DENND4A: variants seen among roughly 807,000 people sequenced by gnomAD.
The protein encoded by DENND4A is C-myc promoter-binding protein.
A neutral mutation model predicts 199.3 loss-of-function variants in DENND4A; 70 were observed. The observed-to-expected ratio is 0.35, with a 90% CI of 0.29 to 0.43. DENND4A has a LOEUF of 0.43. Among genes scored for constraint, DENND4A ranks in the 20% least tolerant of loss-of-function variants. The pLI, the probability that DENND4A is intolerant of heterozygous loss-of-function variation, is 1.00. For synonymous variants in DENND4A, 686 were observed against 766.9 expected (o/e 0.89, Z 1.74); for missense variants, 1,723 against 2,255.8 (o/e 0.76, Z 4.78).
rs1298431799 is a variant in DENND4A at position 65,722,939 on chromosome 15, G to T, written c.1497C>A (p.Asp499Glu). 1 of 1,603,628 alleles carries T rather than the reference G, an allele frequency of 6.2e-7. No individual in the cohort carries two copies. The highest frequency in any genetic ancestry group is 8.5e-7 in the Non-Finnish European group (1 of 1,175,512). ...GTATCTTCCAGGCTACATTTTTCTT[G>T]TCACCAATTCTAAGATTAAATAACA... ...VDTNTISQIG[D>E]KKNVAWKILP... The change falls in exon 12 of 33, where the codon GAC becomes GAA. Residue 499 changes from aspartate to glutamate, a missense_variant. Asp to Glu is a conservative substitution (Grantham distance 45). Transcript: ENST00000443035.
intron 4 of DENND4A, among the ~76,000 whole-genome samples, chr15:65,749,181 G>C (rs1269508824): frequency 6.6e-6 from 1 of 151,526 alleles, no homozygotes; most frequent in Non-Finnish European, 1.5e-5. Flanking sequence ...TATGCGCTTT[G>C]ATCCAGAAAT....
chr15:65,735,335 G>A (rs987676588), intron 7 of DENND4A, among the ~76,000 whole-genome samples: 39 of 152,094 alleles, frequency 2.6e-4, no homozygotes, highest in African/African-American at 8.5e-4. Context: ...CCAAGATCAC[G>A]CCACTATACT....
chr15:65,699,923 C>T (rs2142169500), intron 20 of DENND4A, among the ~76,000 whole-genome samples: 1 of 151,880 alleles, frequency 6.6e-6, no homozygotes, highest in African/African-American at 2.4e-5. Flanking sequence ...AGTGAACCAC[C>T]CACCTTAGCT....
chr15:65,667,895 C>A (rs1315256177), intron 28 of DENND4A, 30 bp downstream of exon 28: 1 of 1,581,246 alleles, frequency 6.3e-7, no homozygotes, highest in African/African-American at 1.4e-5. Context: ...TGATCAATTT[C>A]CAAATAAAAA....
Position 65,723,436 on chromosome 15 carries a change from T to C in DENND4A, c.1488-488A>G, listed in dbSNP as rs569262097. 8.5e-5 allele frequency among the ~76,000 whole-genome samples: 13 copies of C among 152,268 alleles called. No homozygotes were observed. The South Asian group carries it at 2.7e-3, about 32-fold the overall frequency. ...ACTTAGTTTCTTAGTTTCCTAAGAG[T>C]ATAAGTAAGGATCATTTTTGTTTCT... On this transcript the variant is annotated intron_variant, in intron 11 of 32. Transcript: ENST00000443035.
chr15:65,729,779 T>C (rs776249556), intron 9 of DENND4A, 101 bp from the exon 10 acceptor site: 149 of 1,064,308 alleles, frequency 1.4e-4, no homozygotes, highest in Non-Finnish European at 1.7e-4. Context: ...AGGATTTGTA[T>C]TATATATGTT....
chr15:65,779,841 G>T (rs759249432), intron 1 of DENND4A, among the ~76,000 whole-genome samples: 5 of 152,102 alleles, frequency 3.3e-5, no homozygotes, highest in African/African-American at 7.2e-5. Context: ...GTAGAGATGG[G>T]GTTTTGCCAT....
chr15:65,705,728 C>A (rs1190430547), intron 15 of DENND4A, among the ~76,000 whole-genome samples: 1 of 151,926 alleles, frequency 6.6e-6, no homozygotes, highest in Non-Finnish European at 1.5e-5. Context: ...ATTAATCAAT[C>A]TGTGTATGAG....
intron 23 of DENND4A, among the ~76,000 whole-genome samples, chr15:65,684,940 T>G (rs2076709903): frequency 6.7e-6 from 1 of 149,040 alleles, no homozygotes; most frequent in Non-Finnish European, 1.5e-5. Flanking sequence ...TTCTCCTACC[T>G]CAGCCTCCCA....
intron 14 of DENND4A, among the ~76,000 whole-genome samples, chr15:65,711,593 A>T (rs1434138584): frequency 6.6e-6 from 1 of 152,254 alleles, no homozygotes; most frequent in African/African-American, 2.4e-5. Context: ...GTTTGTAAGT[A>T]GGTTATTCAA....
Position 65,702,903 on chromosome 15 carries a change from G to C in DENND4A, c.2193C>G (p.Ser731Arg). The change falls in exon 16 of 33, where the codon AGC becomes AGG. Residue 731 changes from serine (S) to arginine (R), a missense_variant. Ser to Arg is a moderately radical substitution (Grantham distance 110, BLOSUM62 -1). Around this residue, in one of 6 missense-constraint regions of DENND4A, gnomAD observed 725 missense variants for 952.9 expected, o/e 0.76. Transcript: ENST00000443035. Reference protein sequence around the residue: ...KLPSKSSSPNSPLPMFRRTKQ... With the variant: ...KLPSKSSSPNRPLPMFRRTKQ... ...TTGTTCTTCTGAACATGGGCAAAGG[G>C]CTATTAGGACTACTTGATTTTGAAG... is the stretch of plus-strand genomic sequence containing the variant. 1 of 1,613,168 alleles carries C rather than the reference G, an allele frequency of 6.2e-7. No homozygotes were observed. The highest frequency in any genetic ancestry group is 8.5e-7 in the Non-Finnish European group (1 of 1,179,428).
intron 1 of DENND4A, among the ~76,000 whole-genome samples, chr15:65,772,898 G>C (rs1372745906): frequency 1.4e-5 from 2 of 146,904 alleles, no homozygotes; most frequent in African/African-American, 5.0e-5. Flanking sequence ...TCAGCAGTCT[G>C]CCACCCAAAA....
chr15:65,722,473 G>C (rs80214778), intron 12 of DENND4A, among the ~76,000 whole-genome samples: 2 of 143,412 alleles, frequency 1.4e-5, no homozygotes, highest in African/African-American at 5.1e-5. Context: ...TCTCAAAAGA[G>C]AAAAAAAAAA....
chr15:65,722,891 A>T lies in DENND4A; in HGVS notation c.1545T>A (p.Asn515Lys). Residue 515 changes from asparagine to lysine, a missense_variant, in exon 12 of 33, where the codon AAT becomes AAA. Asn to Lys is a moderately conservative substitution (Grantham distance 94). This residue lies in a region of DENND4A where 725 missense variants were observed against 952.9 expected (regional missense o/e 0.76). Coordinates refer to ENST00000443035, the MANE Select transcript of DENND4A (RefSeq NM_001320835.1). ...GCAAATTATTCAGTGTGTTCATCAG[A>T]TTTTTACATGGCTTCTTTGGAAGTA... ...WKILPKKPCK[N>K]LMNTLNNLHQ... is the part of the protein sequence containing the mutation. 1 of 1,610,160 alleles carries T rather than the reference A, an allele frequency of 6.2e-7. No individual in the cohort carries two copies. Among genetic ancestry groups the T allele is most frequent in the South Asian group, 1.1e-5 (1 of 90,182 alleles).
chr15:65,689,858 C>T (rs1488724145), intron 23 of DENND4A, among the ~76,000 whole-genome samples: 1 of 152,174 alleles, frequency 6.6e-6, no homozygotes, highest in Non-Finnish European at 1.5e-5. Flanking sequence ...GCTTCATGCC[C>T]ATAATGAGCA....
At chr15:65,666,725 G>A (rs2076049309) in intron 29 of DENND4A, among the ~76,000 whole-genome samples, 1 of 149,376 alleles carries the variant, frequency 6.7e-6, no homozygotes, top group Non-Finnish European at 1.5e-5. Context: ...GTCACAGTGA[G>A]CCATGACCAC....
chr15:65,690,486 C>A lies in DENND4A; in HGVS notation c.4108G>T (p.Ala1370Ser). Residue 1370 changes from alanine (A) to serine (S), a missense_variant, in exon 23 of 33, where the codon GCT (alanine) becomes TCT (serine). This residue lies in a region of DENND4A where 650 missense variants were observed against 738.1 expected (regional missense o/e 0.88). Coordinates refer to ENST00000443035, the MANE Select transcript of DENND4A (RefSeq NM_001320835.1). ...LDVLRNSMFT[A>S]GKGVAEKASK... ...GCTTTCTCTGCAACTCCTTTTCCAG[C>A]AGTGAACATACTGTTTCTTAGAACA... 1 of 1,611,624 alleles carries A rather than the reference C, an allele frequency of 6.2e-7. No individual in the cohort carries two copies. The highest frequency in any genetic ancestry group is 8.5e-7 in the Non-Finnish European group (1 of 1,178,824).
chr15:65,747,409 C>T (rs937139141), intron 4 of DENND4A, among the ~76,000 whole-genome samples: 2 of 152,136 alleles, frequency 1.3e-5, no homozygotes, highest in Admixed American at 6.5e-5. Flanking sequence ...AAACTAGATG[C>T]TATTATCATC....
intron 14 of DENND4A, among the ~76,000 whole-genome samples, chr15:65,711,234 G>A (rs1427384921): frequency 6.6e-6 from 1 of 152,040 alleles, no homozygotes; most frequent in African/African-American, 2.4e-5. Flanking sequence ...CACGAGCAGG[G>A]GCCACTCCTA....
Sources: allele counts gnomAD v4.1 joint callset (sites outside exome capture counted in the v4.1 genomes callset), GRCh38; gene constraint gnomAD v4.1.1; regional missense constraint gnomAD v4.1.1; transcripts MANE v1.5; gene names NCBI Gene and HGNC (gene_info 2026-07-23, HGNC 2026-07-21).